The following FAM220A variants were observed in gnomAD, a reference collection of about 807,000 sequenced individuals.
The protein encoded by FAM220A is family with sequence similarity 220 member A.
For missense variants in FAM220A, 392 were observed against 321.6 expected, an observed-to-expected ratio of 1.22 and a Z score of -1.68; for synonymous variants, 141 against 130.7, an observed-to-expected ratio of 1.08 and a Z score of -0.54.
At chr7:6,345,575 G>C (rs1781937757) in intron 1 of FAM220A, among the ~76,000 whole-genome samples, 3 of 152,096 alleles carry the variant, frequency 2.0e-5, no homozygotes, top group Admixed American at 1.3e-4. Flanking sequence ...ATGGTAAAGA[G>C]CATACCAATT....
At chr7:6,346,675 G>C (rs1055079136) in intron 1 of FAM220A, among the ~76,000 whole-genome samples, 1 of 152,144 alleles carries the variant, frequency 6.6e-6, no homozygotes, top group African/African-American at 2.4e-5. Context: ...GTGAGCTACT[G>C]TGCCCAGCCA....
rs527958772 is a variant in FAM220A at position 6,332,810 on chromosome 7, T to C, written c.-81-1575A>G. 6.6e-5 allele frequency among the ~76,000 whole-genome samples: 10 copies of C among 152,284 alleles called. No individual in the cohort carries two copies. The East Asian group carries it at 1.7e-3, about 26-fold the overall frequency. On this transcript the variant is annotated intron_variant, in intron 1 of 1. Coordinates refer to ENST00000313324, the MANE Select transcript of FAM220A (RefSeq NM_001037163.2). ...AGGTAGGAAACTGCTGTTTCTCTAATCTTATGGAACTAGGAGACTCTTAAT... is the reference window on the plus strand; with the variant it reads ...AGGTAGGAAACTGCTGTTTCTCTAACCTTATGGAACTAGGAGACTCTTAAT...
At position 6,348,834 on chromosome 7, in the gene FAM220A, G is replaced by C. The variant is rs532487403; in HGVS notation, c.-343C>G. 2.8e-5 allele frequency: 11 copies of C among 394,024 alleles called. No individual in the cohort carries two copies. In the East Asian group the frequency reaches 3.2e-4, roughly 12 times the overall value. The allele number at this position is 394,024 out of a possible 1,614,324, so 24.4% of individuals were successfully genotyped here. ...TCGCCCCGGCAGCTGACCCTCGCCT[G>C]GCGTGCTCAGGGAGCGAAGGAGGCG... On this transcript the variant is annotated 5_prime_UTR_variant, in exon 1 of 2. Coordinates refer to ENST00000313324, the MANE Select transcript of FAM220A (RefSeq NM_001037163.2).
chr7:6,337,881 G>T lies in FAM220A; in HGVS notation c.-81-6646C>A, dbSNP rs112290156. ...TGCAGTGGTGCAATCTTGGCTCACT[G>T]CAACCTCCGCCTCCCAGGTTCAAGC... On this transcript the variant is annotated intron_variant, in intron 1 of 1. Coordinates refer to ENST00000313324, the MANE Select transcript of FAM220A (RefSeq NM_001037163.2). Among the ~76,000 whole-genome samples, 2 of 151,676 alleles carry T rather than the reference G, an allele frequency of 1.3e-5. 1 individual carries two copies. Among genetic ancestry groups the T allele is most frequent in the African/African-American group, 4.9e-5 (2 of 41,054 alleles).
Position 6,330,626 on chromosome 7 carries a change from T to G in FAM220A, c.529A>C (p.Lys177Gln), listed in dbSNP as rs1440459707. ...FQDDPPSAFPKGLGSELEPAC... is the reference protein window; with the variant it reads ...FQDDPPSAFPQGLGSELEPAC... ...GGTTCCAACTCAGAGCCCAGACCCT[T>G]GGGAAAAGCACTTGGTGGGTCATCC... Residue 177 changes from lysine (K) to glutamine (Q), a missense_variant, in exon 2 of 2, where the codon AAG (lysine) becomes CAG (glutamine). Transcript: ENST00000313324. The G allele has an allele frequency of 6.2e-7, 1 of 1,613,974 alleles. No individual in the cohort carries two copies. Among genetic ancestry groups the G allele is most frequent in the Non-Finnish European group, 8.5e-7 (1 of 1,180,038 alleles).
chr7:6,343,667 T>C (rs1781906073), intron 1 of FAM220A, among the ~76,000 whole-genome samples: 1 of 151,818 alleles, frequency 6.6e-6, no homozygotes, highest in South Asian at 2.1e-4. Flanking sequence ...TGCTTGCAAA[T>C]AGTATTTTAA....
At chr7:6,348,518 G>C in intron 1 of FAM220A, 55 bp downstream of exon 1, 1 of 412,014 alleles carries the variant, frequency 2.4e-6, no homozygotes, top group East Asian at 3.5e-5. Flanking sequence ...TGCATCCCGC[G>C]GGCGAGGCGG....
At chr7:6,339,598 C>G (rs1781809609) in intron 1 of FAM220A, among the ~76,000 whole-genome samples, 1 of 151,950 alleles carries the variant, frequency 6.6e-6, no homozygotes, top group South Asian at 2.1e-4. Flanking sequence ...ATTCCGCTGC[C>G]TCAGCCTCCG....
intron 1 of FAM220A, among the ~76,000 whole-genome samples, chr7:6,341,143 C>CA (rs199600967): frequency 0.29 from 41,389 of 141,928 alleles, 5,934 homozygotes; most frequent in African/African-American, 0.33. Context: ...GACTCTGTCC[C>CA]AAAAAAAAAA....
chr7:6,346,698 T>G (rs1490548043), intron 1 of FAM220A, among the ~76,000 whole-genome samples: 1 of 152,126 alleles, frequency 6.6e-6, no homozygotes, highest in African/African-American at 2.4e-5. Flanking sequence ...TTAACTCAAT[T>G]TGGATCAACA....
chr7:6,338,670 C>G (rs950615507), intron 1 of FAM220A: 1 of 152,288 alleles, frequency 6.6e-6, no homozygotes, highest in Admixed American at 6.5e-5. Flanking sequence ...AGATCCCTGC[C>G]CAGCTGACCT....
chr7:6,348,950 A>AGGAT lies in FAM220A; in HGVS notation c.-460_-459insATCC, dbSNP rs1782011403. ...GCCTCCGCGAGCAGCCGCCTGTACC[A>AGGAT]GCCTGGCCGCGCAGCCTGACGTCAC... On this transcript the variant is annotated 5_prime_UTR_variant, in exon 1 of 2. Coordinates refer to ENST00000313324, the MANE Select transcript of FAM220A (RefSeq NM_001037163.2). 1 of 379,412 alleles carries AGGAT rather than the reference A, an allele frequency of 2.6e-6. No individual in the cohort carries two copies. The highest frequency in any genetic ancestry group is 2.1e-5 in the African/African-American group (1 of 47,752). 23.5% of individuals were successfully genotyped at this position (379,412 alleles called of 1,614,324 possible).
At chr7:6,341,279 C>G (rs193109312) in intron 1 of FAM220A, among the ~76,000 whole-genome samples, 1 of 148,942 alleles carries the variant, frequency 6.7e-6, no homozygotes, top group South Asian at 2.1e-4. Context: ...CCCATCTCTA[C>G]GAAAATACAA....
intron 1 of FAM220A, among the ~76,000 whole-genome samples, chr7:6,333,863 A>C (rs1181524430): frequency 4.7e-5 from 3 of 63,918 alleles, no homozygotes; most frequent in Non-Finnish European, 5.8e-5. Flanking sequence ...TTTTTTTTTG[A>C]GACAGAGTCT....
At chr7:6,342,692 G>A (rs544710880) in intron 1 of FAM220A, among the ~76,000 whole-genome samples, 1 of 152,198 alleles carries the variant, frequency 6.6e-6, no homozygotes, top group East Asian at 1.9e-4. Context: ...TAGCCAAAAA[G>A]TGAAAGCAAC....
At position 6,348,855 on chromosome 7, in the gene FAM220A, A is replaced by AGGC. The variant is rs1166283683; in HGVS notation, c.-367_-365dup. 2.6e-6 allele frequency: 1 copy of AGGC among 389,914 alleles called. No homozygotes were observed. The highest frequency in any genetic ancestry group is 4.5e-6 in the Non-Finnish European group (1 of 220,980). The allele number at this position is 389,914 out of a possible 1,614,324, so 24.2% of individuals were successfully genotyped here. ...GCCTGGCGTGCTCAGGGAGCGAAGG[A>AGGC]GGCGGCGGCTAGACCGGCGGGCGGG... On this transcript the variant is annotated 5_prime_UTR_variant, in exon 1 of 2. Coordinates refer to ENST00000313324, the MANE Select transcript of FAM220A (RefSeq NM_001037163.2).
At chr7:6,337,205 G>A (rs369252560) in intron 1 of FAM220A, among the ~76,000 whole-genome samples, 62 of 152,200 alleles carry the variant, frequency 4.1e-4, no homozygotes, top group Middle Eastern at 3.4e-3. Flanking sequence ...CCAAGTAGCT[G>A]AGACTACAGG....
rs775078745 is a variant in FAM220A at position 6,330,600 on chromosome 7, G to A, written c.555C>T (p.Pro185=). 1.9e-5 allele frequency: 31 copies of A among 1,614,018 alleles called. No homozygotes were observed. Among genetic ancestry groups the A allele is most frequent in the Admixed American group, 1.0e-4 (6 of 59,968 alleles). Residue 185 remains proline (P), a synonymous_variant, in exon 2 of 2, where the codon CCC becomes CCT. Coordinates refer to ENST00000313324, the MANE Select transcript of FAM220A (RefSeq NM_001037163.2). ...FPKGLGSELE[P]ACLHSILSAT... is the part of the protein sequence containing the mutation. ...CAGACAGGATGGAGTGCAGGCAAGCGGGTTCCAACTCAGAGCCCAGACCCT... is the reference window on the plus strand; with the variant it reads ...CAGACAGGATGGAGTGCAGGCAAGCAGGTTCCAACTCAGAGCCCAGACCCT...
At chr7:6,334,483 GA>G (rs1781706973) in intron 1 of FAM220A, among the ~76,000 whole-genome samples, 1 of 151,948 alleles carries the variant, frequency 6.6e-6, no homozygotes. Context: ...CTCAAAAAAA[GA>G]AAAGATGGAG....
Sources: allele counts gnomAD v4.1 joint callset (sites outside exome capture counted in the v4.1 genomes callset), GRCh38; gene constraint gnomAD v4.1.1; transcripts MANE v1.5; gene names NCBI Gene and HGNC (gene_info 2026-07-23, HGNC 2026-07-21).